AUH: variants seen among roughly 807,000 people sequenced by gnomAD.
The protein encoded by AUH is AU RNA binding methylglutaconyl-CoA hydratase.
A neutral mutation model predicts 42.3 loss-of-function variants in AUH; 29 were observed. The ratio of observed to expected loss-of-function variants is 0.69; its 90% CI spans 0.51 to 0.93. The LOEUF is 0.93. Among genes scored for constraint, AUH ranks in the 40% least tolerant of loss-of-function variants. AUH has a pLI of 0.00. For missense variants in AUH, 452 were observed against 438.1 expected, an observed-to-expected ratio of 1.03 and a Z score of -0.28; for synonymous variants, 174 against 166.4, an observed-to-expected ratio of 1.05 and a Z score of -0.35.
intron 4 of AUH, among the ~76,000 whole-genome samples, chr9:91,308,894 G>A (rs1456725472): frequency 4.6e-5 from 7 of 151,114 alleles, no homozygotes; most frequent in African/African-American, 1.7e-4. Flanking sequence ...AGGTTCAAGC[G>A]ATTCTCCTGC....
At chr9:91,261,248 C>G (rs532832856) in intron 6 of AUH, among the ~76,000 whole-genome samples, 3 of 152,238 alleles carry the variant, frequency 2.0e-5, no homozygotes, top group Admixed American at 6.5e-5. Flanking sequence ...GAATGATGTA[C>G]CAAAGGCAGT....
chr9:91,289,899 C>T (rs1008589783), intron 6 of AUH, among the ~76,000 whole-genome samples: 3 of 152,110 alleles, frequency 2.0e-5, no homozygotes, highest in Admixed American at 6.6e-5. Context: ...CAGGCATCAC[C>T]TAGGGTACTT....
chr9:91,248,463 CAAAG>C (rs1490312117), intron 6 of AUH, among the ~76,000 whole-genome samples: 3 of 152,044 alleles, frequency 2.0e-5, no homozygotes, highest in Non-Finnish European at 2.9e-5. Flanking sequence ...GGATTTTAGA[CAAAG>C]AAAGCACAAC....
chr9:91,343,885 C>T (rs1041208045), intron 3 of AUH, among the ~76,000 whole-genome samples: 3 of 152,170 alleles, frequency 2.0e-5, no homozygotes, highest in African/African-American at 7.2e-5. Flanking sequence ...ACACAAATTA[C>T]CAAAACTCAC....
chr9:91,355,779 T>C (rs1832361975), intron 3 of AUH, 104 bp downstream of exon 3: 2 of 984,798 alleles, frequency 2.0e-6, no homozygotes, highest in Non-Finnish European at 1.6e-6. Flanking sequence ...AGAGGAGTTG[T>C]TGGTAATGGG....
chr9:91,295,142 T>TA (rs968473474), intron 6 of AUH, among the ~76,000 whole-genome samples: 7 of 152,296 alleles, frequency 4.6e-5, no homozygotes, highest in African/African-American at 1.7e-4. Flanking sequence ...TGCCTCTACG[T>TA]AAGACATGCC....
intron 3 of AUH, among the ~76,000 whole-genome samples, chr9:91,326,284 C>T (rs1342191186): frequency 6.6e-6 from 1 of 152,128 alleles, no homozygotes; most frequent in African/African-American, 2.4e-5. Context: ...CACACACTTC[C>T]AGGGGAGTGA....
chr9:91,348,059 G>T (rs1231168826), intron 3 of AUH, among the ~76,000 whole-genome samples: 1 of 150,422 alleles, frequency 6.6e-6, no homozygotes, highest in Non-Finnish European at 1.5e-5. Flanking sequence ...TAAAAGTCTT[G>T]TATCAAGAAT....
In AUH at chr9:91,214,092, T is replaced by C; in HGVS notation, c.*256A>G. 2.5e-6 allele frequency: 1 copy of C among 394,162 alleles called. No individual in the cohort carries two copies. The highest frequency in any genetic ancestry group is 4.7e-6 in the Non-Finnish European group (1 of 215,044). The allele number at this position is 394,162 out of a possible 1,614,324, so 24.4% of individuals were successfully genotyped here. A position where few individuals can be genotyped will look rare whatever the true frequency, so the allele number is the denominator to read the frequency against. Reference sequence around the variant, plus strand: ...CAGAAAGCCTCATATGCAGTAAATATTTAAAAATGTATATCTAACTTTGAT... The same window carrying C: ...CAGAAAGCCTCATATGCAGTAAATACTTAAAAATGTATATCTAACTTTGAT... On this transcript the variant is annotated 3_prime_UTR_variant, in exon 10 of 10. Transcript: ENST00000375731.
chr9:91,243,686 G>A (rs1386140723), intron 6 of AUH, among the ~76,000 whole-genome samples: 1 of 152,212 alleles, frequency 6.6e-6, no homozygotes, highest in Non-Finnish European at 1.5e-5. Flanking sequence ...TGTGTCATGT[G>A]TCCCACCCTG....
chr9:91,236,224 T>A (rs1247057198), intron 6 of AUH, among the ~76,000 whole-genome samples: 3 of 104,606 alleles, frequency 2.9e-5, no homozygotes, highest in Non-Finnish European at 5.4e-5. Flanking sequence ...ATTTTTTCCA[T>A]CCCTAGCAAT....
At chr9:91,268,276 T>C (rs1292617684) in intron 6 of AUH, among the ~76,000 whole-genome samples, 1 of 152,190 alleles carries the variant, frequency 6.6e-6, no homozygotes, top group African/African-American at 2.4e-5. Context: ...TCATCCTATG[T>C]AACATTTCTA....
rs16907371 is a variant in AUH at position 91,317,177 on chromosome 9, G to A, written c.505+8141C>T. On this transcript the variant is annotated intron_variant, in intron 4 of 9. Coordinates refer to ENST00000375731, the MANE Select transcript of AUH (RefSeq NM_001698.3). ...ATCTTGAGTGCTGAAATGGCAAGACGCTTCATTTTCTTCTTTATGAGTGTT... is the reference window on the plus strand; with the variant it reads ...ATCTTGAGTGCTGAAATGGCAAGACACTTCATTTTCTTCTTTATGAGTGTT... Among the ~76,000 whole-genome samples, 788 of 152,164 alleles carry A rather than the reference G, an allele frequency of 5.2e-3. 27 individuals are homozygous for A. In the East Asian group the frequency reaches 0.09, roughly 17 times the overall value.
At chr9:91,283,931 T>A (rs1350215064) in intron 6 of AUH, among the ~76,000 whole-genome samples, 1 of 151,662 alleles carries the variant, frequency 6.6e-6, no homozygotes, top group Non-Finnish European at 1.5e-5. Context: ...AAGCTACCAA[T>A]GACTTTCTCC....
At chr9:91,284,354 A>G (rs1826227315) in intron 6 of AUH, among the ~76,000 whole-genome samples, 1 of 152,242 alleles carries the variant, frequency 6.6e-6, no homozygotes, top group African/African-American at 2.4e-5. Flanking sequence ...CAAAACCATA[A>G]AAACCCTAGA....
At chr9:91,222,634 C>T (rs533262479) in intron 6 of AUH, among the ~76,000 whole-genome samples, 2 of 152,248 alleles carry the variant, frequency 1.3e-5, no homozygotes, top group South Asian at 2.1e-4. Flanking sequence ...TGAGAACTTA[C>T]GGGATAAGCT....
chr9:91,301,028 C>T (rs139442654), intron 4 of AUH, among the ~76,000 whole-genome samples: 59 of 152,384 alleles, frequency 3.9e-4, no homozygotes, highest in African/African-American at 1.1e-3. Flanking sequence ...CACGGTTTTT[C>T]ACTGCCTCTT....
At chr9:91,353,218 C>G (rs1244714002) in intron 3 of AUH, among the ~76,000 whole-genome samples, 2 of 152,006 alleles carry the variant, frequency 1.3e-5, no homozygotes, top group Non-Finnish European at 2.9e-5. Context: ...TCCTGAGTAG[C>G]TGGGATTACA....
chr9:91,355,832 G>C (rs375935396), intron 3 of AUH, 51 bp downstream of exon 3: 1 of 1,497,748 alleles, frequency 6.7e-7, no homozygotes, highest in Non-Finnish European at 9.3e-7. Flanking sequence ...GATTACTATT[G>C]AGGAAAAATC....
Sources: allele counts gnomAD v4.1 joint callset (sites outside exome capture counted in the v4.1 genomes callset), GRCh38; gene constraint gnomAD v4.1.1; transcripts MANE v1.5; gene names NCBI Gene and HGNC (gene_info 2026-07-23, HGNC 2026-07-21).